The following DYSF variants were observed in gnomAD, a reference collection of about 807,000 sequenced individuals.
DYSF encodes dystrophy-associated fer-1-like 1.
In DYSF, 212 loss-of-function variants were observed where a neutral mutation model predicts 274.9. The ratio of observed to expected loss-of-function variants is 0.77; its 90% CI spans 0.69 to 0.86. DYSF has a LOEUF of 0.86. DYSF is among the 40% of genes least tolerant of loss of function. The pLI is 0.00. For synonymous variants in DYSF, 1,091 were observed against 1,078.7 expected (o/e 1.01, Z -0.22); for missense variants, 2,666 against 2,783.2 (o/e 0.96, Z 0.95).
At chr2:71,661,271 ACTTACTCAATTTCCCCCACTGGTAACCC>A (rs1292916446) in intron 45 of DYSF, among the ~76,000 whole-genome samples, 2 of 151,822 alleles carry the variant, frequency 1.3e-5, no homozygotes, top group East Asian at 1.9e-4. Context: ...CATAATTTCC[ACTTACTCAATTTCCCCCACTGGTAACCC>A]CTTACTCAAT....
intron 49 of DYSF, 75 bp from the exon 50 acceptor site, chr2:71,669,029 TGCTTCTTG>T (rs1444938298): frequency 1.3e-5 from 18 of 1,369,630 alleles, no homozygotes; most frequent in Non-Finnish European, 1.7e-5. Context: ...TGGACCAGTC[TGCTTCTTG>T]GCTTCTTGGC....
At chr2:71,546,744 A>C (rs1428122845) in intron 17 of DYSF, among the ~76,000 whole-genome samples, 1 of 152,262 alleles carries the variant, frequency 6.6e-6, no homozygotes, top group Non-Finnish European at 1.5e-5. Context: ...TGTCTCTGGA[A>C]TGTAGATGAT....
intron 14 of DYSF, among the ~76,000 whole-genome samples, chr2:71,532,850 A>ATCTG (rs1425454604): frequency 7.0e-6 from 1 of 143,404 alleles, no homozygotes; most frequent in East Asian, 1.9e-4. Flanking sequence ...CTATCTATCT[A>ATCTG]TCTATCTATC....
chr2:71,602,327 C>T (rs560630195), intron 35 of DYSF, among the ~76,000 whole-genome samples: 19 of 152,328 alleles, frequency 1.2e-4, no homozygotes, highest in Middle Eastern at 6.8e-3. Context: ...AGCCCTCCTT[C>T]ACCAGCCCTG....
chr2:71,681,938 A>G (rs2095301454), intron 54 of DYSF, among the ~76,000 whole-genome samples: 2 of 152,206 alleles, frequency 1.3e-5, no homozygotes, highest in South Asian at 4.2e-4. Flanking sequence ...GAAAAGAGAG[A>G]CCCGTGAGAC....
chr2:71,665,292 A>G lies in DYSF; in HGVS notation c.5305A>G (p.Ile1769Val), dbSNP rs768247643. 3.1e-6 allele frequency: 5 copies of G among 1,614,142 alleles called. No homozygotes were observed. Among genetic ancestry groups the G allele is most frequent in the Non-Finnish European group, 4.2e-6 (5 of 1,180,016 alleles). Residue 1769 changes from isoleucine (I) to valine (V), a missense_variant, in exon 47 of 56, where the codon ATT (isoleucine) becomes GTT (valine). Transcript: ENST00000410020. ...AATGTTTCAGGATAAAGAATATTCC[A>G]TTGAAGAGATAGGTGAGCTGCCACA... ...RVMFQDKEYS[I>V]EEIEAGRIPN...
chr2:71,620,589 TCTC>T lies in DYSF; in HGVS notation c.4512_4514del (p.Pro1505del). On this transcript the variant is annotated inframe_deletion, in exon 41 of 56. Coordinates refer to ENST00000410020, the MANE Select transcript of DYSF (RefSeq NM_001130987.2). ...GAGCTTGGCCCCCACTAACACGGCTTCTCCTCCATCCAGTCCTCATGTATGTAC... is the reference window on the plus strand; with the variant it reads ...GAGCTTGGCCCCCACTAACACGGCTTCTCCATCCAGTCCTCATGTATGTAC... 6.4e-7 allele frequency: 1 copy of T among 1,551,458 alleles called. No homozygotes were observed. Among genetic ancestry groups the T allele is most frequent in the Non-Finnish European group, 8.7e-7 (1 of 1,146,952 alleles).
At chr2:71,511,484 C>T (rs1489397728) in intron 4 of DYSF, among the ~76,000 whole-genome samples, 1 of 152,176 alleles carries the variant, frequency 6.6e-6, no homozygotes, top group Non-Finnish European at 1.5e-5. Context: ...TAATTTGCTC[C>T]ACATTTGACC....
At chr2:71,666,841 A>G (rs1002209928) in intron 47 of DYSF, among the ~76,000 whole-genome samples, 14 of 152,238 alleles carry the variant, frequency 9.2e-5, no homozygotes, top group African/African-American at 3.4e-4. Flanking sequence ...CTCAGCTTCT[A>G]GGATCCTCAT....
intron 24 of DYSF, among the ~76,000 whole-genome samples, chr2:71,564,890 T>G (rs1011237288): frequency 1.3e-5 from 2 of 152,180 alleles, no homozygotes. Context: ...TCTGTGCTCC[T>G]CTCTAGGCTC....
intron 44 of DYSF, among the ~76,000 whole-genome samples, chr2:71,660,093 A>G (rs1301149962): frequency 2.0e-5 from 3 of 152,216 alleles, no homozygotes; most frequent in Non-Finnish European, 4.4e-5. Flanking sequence ...GGCACTCTGC[A>G]GCCCCAGCTG....
chr2:71,578,048 G>C (rs2092770590), intron 30 of DYSF, among the ~76,000 whole-genome samples: 1 of 152,076 alleles, frequency 6.6e-6, no homozygotes, highest in African/African-American at 2.4e-5. Flanking sequence ...TGAATCCCAG[G>C]GCCATTTTAA....
At chr2:71,524,813 A>G (rs1249446687) in intron 12 of DYSF, among the ~76,000 whole-genome samples, 1 of 151,936 alleles carries the variant, frequency 6.6e-6, no homozygotes, top group East Asian at 1.9e-4. Flanking sequence ...AGCATTTCTG[A>G]CCCCACCTCA....
chr2:71,668,462 A>T (rs1010142731), intron 48 of DYSF, among the ~76,000 whole-genome samples: 1 of 152,102 alleles, frequency 6.6e-6, no homozygotes, highest in Non-Finnish European at 1.5e-5. Context: ...TTGACACGCC[A>T]CGACTGTGCA....
chr2:71,680,920 A>T (rs753371067), intron 53 of DYSF, 81 bp from the exon 54 acceptor site: 47 of 1,147,382 alleles, frequency 4.1e-5, no homozygotes, highest in East Asian at 1.7e-4. Flanking sequence ...AGTGGCCCTT[A>T]TGTTTTTTCT....
intron 14 of DYSF, among the ~76,000 whole-genome samples, chr2:71,530,689 C>G (rs1234899802): frequency 6.6e-6 from 1 of 152,172 alleles, no homozygotes; most frequent in Non-Finnish European, 1.5e-5. Context: ...ACCTGGCCAG[C>G]CTCCTCGGTG....
At chr2:71,527,913 A>G (rs2088152027) in intron 13 of DYSF, among the ~76,000 whole-genome samples, 1 of 152,250 alleles carries the variant, frequency 6.6e-6, no homozygotes, top group Non-Finnish European at 1.5e-5. Flanking sequence ...CTGCGCTAAT[A>G]GATTTAAAGG....
intron 22 of DYSF, 72 bp downstream of exon 22, chr2:71,556,143 G>A (rs796471923): frequency 3.1e-5 from 40 of 1,270,218 alleles, no homozygotes; most frequent in African/African-American, 2.4e-4. Context: ...GGGAGTGCTC[G>A]TGTGTGGCAG....
chr2:71,492,237 G>C (rs745568339), intron 3 of DYSF, among the ~76,000 whole-genome samples: 1 of 152,204 alleles, frequency 6.6e-6, no homozygotes, highest in Non-Finnish European at 1.5e-5. Flanking sequence ...CTGGCCGGAA[G>C]GCTGCCAGAG....
Sources: allele counts gnomAD v4.1 joint callset (sites outside exome capture counted in the v4.1 genomes callset), GRCh38; gene constraint gnomAD v4.1.1; transcripts MANE v1.5; gene names NCBI Gene and HGNC (gene_info 2026-07-23, HGNC 2026-07-21).